Variants in SLC35F1 observed in about 807,000 individuals in gnomAD.
The protein encoded by SLC35F1 is chromosome 6 open reading frame 169.
A neutral mutation model predicts 48.7 loss-of-function variants in SLC35F1; 14 were observed. The ratio of observed to expected loss-of-function variants is 0.29; its 90% confidence interval spans 0.19 to 0.45. SLC35F1 has a LOEUF of 0.45. Ranked by LOEUF, SLC35F1 falls within the 20% of genes least tolerant of loss-of-function variation. SLC35F1 has a pLI of 1.00. For missense variants in SLC35F1, 404 were observed against 500.0 expected, an observed-to-expected ratio of 0.81 and a Z score of 1.83; for synonymous variants, 190 against 202.2, an observed-to-expected ratio of 0.94 and a Z score of 0.51.
At chr6:117,986,478 T>A (rs928904476) in intron 1 of SLC35F1, among the ~76,000 whole-genome samples, 2 of 152,212 alleles carry the variant, frequency 1.3e-5, no homozygotes, top group Non-Finnish European at 2.9e-5. Context: ...TAGGTTTTTA[T>A]ATGTTCTTTT....
chr6:118,190,030 C>A (rs1419371498), intron 2 of SLC35F1, among the ~76,000 whole-genome samples: 1 of 152,158 alleles, frequency 6.6e-6, no homozygotes, highest in Non-Finnish European at 1.5e-5. Context: ...AGTTAGTTCA[C>A]AAGGACTCAG....
At chr6:118,306,915 A>G (rs970495207) in intron 7 of SLC35F1, among the ~76,000 whole-genome samples, 5 of 152,190 alleles carry the variant, frequency 3.3e-5, no homozygotes, top group African/African-American at 1.2e-4. Flanking sequence ...CCTATAAAAG[A>G]GCTCTTATTG....
intron 4 of SLC35F1, among the ~76,000 whole-genome samples, chr6:118,272,931 A>G (rs879818819): frequency 4.7e-5 from 7 of 149,246 alleles, no homozygotes; most frequent in African/African-American, 1.8e-4. Context: ...ATTATATAAT[A>G]TAATTGGATA....
chr6:118,190,051 A>G (rs1486078591), intron 2 of SLC35F1, among the ~76,000 whole-genome samples: 1 of 152,192 alleles, frequency 6.6e-6, no homozygotes. Flanking sequence ...ATATAGAAGT[A>G]TGGAGTCCTT....
At chr6:117,999,084 C>T (rs2114864958) in intron 1 of SLC35F1, 1 of 1,540,366 alleles carries the variant, frequency 6.5e-7, no homozygotes, top group Non-Finnish European at 8.9e-7. Context: ...GGGGTGGACC[C>T]CAAGTTCCTG....
chr6:118,020,046 A>G (rs1777374142), intron 1 of SLC35F1, among the ~76,000 whole-genome samples: 1 of 152,204 alleles, frequency 6.6e-6, no homozygotes, highest in Admixed American at 6.5e-5. Context: ...TTTGTGGTGC[A>G]GTCATTTTAA....
intron 7 of SLC35F1, among the ~76,000 whole-genome samples, chr6:118,301,222 T>C (rs1022858164): frequency 1.3e-4 from 20 of 152,214 alleles, no homozygotes; most frequent in Admixed American, 1.2e-3. Flanking sequence ...ACAGGAAACA[T>C]TGAAGTTTAA....
At chr6:118,205,854 T>G (rs552889495) in intron 2 of SLC35F1, among the ~76,000 whole-genome samples, 1 of 152,240 alleles carries the variant, frequency 6.6e-6, no homozygotes, top group Admixed American at 6.5e-5. Flanking sequence ...CCCTTGAAAA[T>G]ATTATGCTAA....
chr6:118,198,600 C>T (rs1378968774), intron 2 of SLC35F1, among the ~76,000 whole-genome samples: 1 of 152,182 alleles, frequency 6.6e-6, no homozygotes, highest in African/African-American at 2.4e-5. Flanking sequence ...TTAGAAAATA[C>T]ATTTAAGCAT....
chr6:118,160,648 C>T (rs743928), intron 2 of SLC35F1, among the ~76,000 whole-genome samples: 32,303 of 152,050 alleles, frequency 0.21, 3,794 homozygotes, highest in East Asian at 0.37. Context: ...ATTGTAAGTG[C>T]GAAGACTGAA....
At chr6:118,126,965 T>C (rs1330272614) in intron 1 of SLC35F1, among the ~76,000 whole-genome samples, 4 of 152,084 alleles carry the variant, frequency 2.6e-5, no homozygotes, top group Non-Finnish European at 4.4e-5. Flanking sequence ...AATTGAATAC[T>C]CTTTATTTCC....
intron 2 of SLC35F1, among the ~76,000 whole-genome samples, chr6:118,195,803 A>G (rs76850272): frequency 6.6e-5 from 10 of 152,144 alleles, no homozygotes; most frequent in African/African-American, 2.4e-4. Context: ...ATGGAACTCT[A>G]AAATTTAAGA....
At position 117,930,526 on chromosome 6, in the gene SLC35F1, C is replaced by T. The variant is rs554436587; in HGVS notation, c.173+22627C>T. ...TTTTTCTCTGATTCAAAGTACAGGA[C>T]CTAGATAGGCCTCTTTTCTAAGCCT... On this transcript the variant is annotated intron_variant, in intron 1 of 7. Coordinates refer to ENST00000360388, the MANE Select transcript of SLC35F1 (RefSeq NM_001029858.4). 2.0e-4 allele frequency among the ~76,000 whole-genome samples: 30 copies of T among 152,040 alleles called. 1 individual carries two copies. Among genetic ancestry groups the T allele is most frequent in the Admixed American group, 1.3e-3 (20 of 15,254 alleles).
chr6:118,017,056 A>G lies in SLC35F1; in HGVS notation c.173+109157A>G, dbSNP rs150288071. On this transcript the variant is annotated intron_variant, in intron 1 of 7. Transcript: ENST00000360388. ...GAATCTCCTGTCTTTCCATCCCCGGAATATTTCTGGAAAAGTTACTGTTGC... is the reference window on the plus strand; with the variant it reads ...GAATCTCCTGTCTTTCCATCCCCGGGATATTTCTGGAAAAGTTACTGTTGC... Among the ~76,000 whole-genome samples, 1,151 of 152,290 alleles carry G rather than the reference A, an allele frequency of 7.6e-3. 13 individuals are homozygous for G. Among genetic ancestry groups the G allele is most frequent in the Middle Eastern group, 0.024 (7 of 294 alleles).
At chr6:118,230,697 G>T (rs1460769541) in intron 2 of SLC35F1, among the ~76,000 whole-genome samples, 1 of 152,114 alleles carries the variant, frequency 6.6e-6, no homozygotes, top group Non-Finnish European at 1.5e-5. Flanking sequence ...AAATCAAGAT[G>T]ATAAGGCTGG....
chr6:118,088,984 C>G (rs1335719092), intron 1 of SLC35F1, among the ~76,000 whole-genome samples: 1 of 152,186 alleles, frequency 6.6e-6, no homozygotes, highest in Non-Finnish European at 1.5e-5. Flanking sequence ...ATCTACTACA[C>G]ATTGCACAGT....
chr6:118,008,280 GAA>G (rs35029349), intron 1 of SLC35F1, among the ~76,000 whole-genome samples: 22 of 150,074 alleles, frequency 1.5e-4, no homozygotes, highest in African/African-American at 2.9e-4. Context: ...CAGCAAAAAA[GAA>G]AAAAAAAAAG....
At chr6:118,238,369 T>TG (rs905935456) in intron 3 of SLC35F1, among the ~76,000 whole-genome samples, 15 of 151,820 alleles carry the variant, frequency 9.9e-5, no homozygotes, top group Non-Finnish European at 1.9e-4. Flanking sequence ...GCCAGAGGAT[T>TG]GCTTGAGGCC....
chr6:118,214,725 C>T (rs1775049972), intron 2 of SLC35F1, among the ~76,000 whole-genome samples: 2 of 152,214 alleles, frequency 1.3e-5, no homozygotes, highest in South Asian at 4.2e-4. Context: ...TCTGAAAACC[C>T]AATGGGAAAG....
Sources: gnomAD v4.1 joint callset for allele counts (sites outside exome capture counted in the v4.1 genomes callset) on GRCh38, gnomAD v4.1.1 for gene constraint, MANE v1.5 for transcripts, NCBI Gene and HGNC (gene_info 2026-07-23, HGNC 2026-07-21) for gene names.